The following ADAP2 variants were observed in gnomAD, a reference collection of about 807,000 sequenced individuals.
ADAP2 encodes the protein ArfGAP with dual PH domains 2, also known as arf-GAP with dual PH domain-containing protein 2.
ADAP2 carries 42 observed loss-of-function variants against 54.9 expected under a neutral mutation model. The ratio of observed to expected loss-of-function variants is 0.77; its 90% CI spans 0.60 to 0.99. The LOEUF (loss-of-function observed/expected upper bound fraction) is 0.99, where lower values mean the gene tolerates loss of function less well. Ranked by LOEUF, ADAP2 falls within the 50% of genes least tolerant of loss-of-function variation. The pLI, the probability that ADAP2 is intolerant of heterozygous loss-of-function variation, is 0.00. For synonymous variants in ADAP2, 177 were observed against 180.1 expected, an observed-to-expected ratio of 0.98 and a Z score of 0.14; for missense variants, 429 against 480.4, an observed-to-expected ratio of 0.89 and a Z score of 1.00.
At chr17:30,923,120 A>C (rs777623542) in intron 2 of ADAP2, 50 bp downstream of exon 2, 1 of 1,605,768 alleles carries the variant, frequency 6.2e-7, no homozygotes, top group South Asian at 1.1e-5. Flanking sequence ...ACTGGAGTAG[A>C]GGCAGCGGGC....
At chr17:30,926,468 G>T (rs1318377035) in intron 2 of ADAP2, among the ~76,000 whole-genome samples, 1 of 152,192 alleles carries the variant, frequency 6.6e-6, no homozygotes, top group Non-Finnish European at 1.5e-5. Flanking sequence ...TTGGAGTCAG[G>T]TCTGGGTTCA....
intron 5 of ADAP2, among the ~76,000 whole-genome samples, chr17:30,941,233 AT>A (rs1328891738): frequency 6.6e-6 from 1 of 152,190 alleles, no homozygotes; most frequent in African/African-American, 2.4e-5. Context: ...GGTGTTAGCT[AT>A]TGTTTGTGCT....
intron 1 of ADAP2, among the ~76,000 whole-genome samples, chr17:30,922,662 C>A (rs1250001376): frequency 6.6e-6 from 1 of 152,186 alleles, no homozygotes; most frequent in East Asian, 1.9e-4. Flanking sequence ...CCGAGCCCCG[C>A]GGTGCGCCCC....
chr17:30,943,211 C>T (rs1271081848), intron 5 of ADAP2, among the ~76,000 whole-genome samples: 4 of 151,824 alleles, frequency 2.6e-5, no homozygotes, highest in Non-Finnish European at 5.9e-5. Flanking sequence ...ACTAAAAATA[C>T]AAAATTAGCC....
chr17:30,957,970 C>T lies in ADAP2; in HGVS notation c.*101C>T. 8.9e-7 allele frequency: 1 copy of T among 1,128,602 alleles called. No homozygotes were observed. The highest frequency in any genetic ancestry group is 1.3e-6 in the Non-Finnish European group (1 of 759,384). 69.9% of individuals were successfully genotyped at this position (1,128,602 alleles called of 1,614,324 possible). A position where few individuals can be genotyped will look rare whatever the true frequency, so the allele number is the denominator to read the frequency against. On this transcript the variant is annotated 3_prime_UTR_variant, in exon 11 of 11. Coordinates refer to ENST00000330889, the MANE Select transcript of ADAP2 (RefSeq NM_018404.3). ...CTGCCCACCATCAGTGCCCCGCAGT[C>T]AGCAGCCATTCCTGGCAGTGAACTC...
chr17:30,928,828 C>T (rs1056800408), intron 3 of ADAP2, among the ~76,000 whole-genome samples: 21 of 152,154 alleles, frequency 1.4e-4, no homozygotes, highest in Admixed American at 1.4e-3. Flanking sequence ...CCTGAGCCTA[C>T]GACTCCTTCC....
At chr17:30,953,219 G>T in intron 7 of ADAP2, 69 bp from the exon 8 acceptor site, 1 of 1,490,526 alleles carries the variant, frequency 6.7e-7, no homozygotes. Flanking sequence ...TTTGTCGGGA[G>T]CCAAGCTCGG....
chr17:30,950,191 C>T (rs1278648554), intron 7 of ADAP2, among the ~76,000 whole-genome samples: 1 of 152,176 alleles, frequency 6.6e-6, no homozygotes, highest in East Asian at 1.9e-4. Flanking sequence ...CTTGGGAAAG[C>T]CTGGGATCCT....
chr17:30,944,439 G>A (rs372256707), intron 5 of ADAP2, among the ~76,000 whole-genome samples: 11 of 152,002 alleles, frequency 7.2e-5, no homozygotes, highest in African/African-American at 2.2e-4. Flanking sequence ...GAGTTCATGA[G>A]CAGCCTGGCC....
At chr17:30,922,194 C>T (rs1910665547) in intron 1 of ADAP2, 86 bp downstream of exon 1, 2 of 1,008,058 alleles carry the variant, frequency 2.0e-6, no homozygotes, top group Non-Finnish European at 1.3e-6. Context: ...CACCGGGTCC[C>T]GCCCTCGGCC....
chr17:30,951,810 T>C (rs1192642175), intron 7 of ADAP2, among the ~76,000 whole-genome samples: 6 of 151,872 alleles, frequency 4.0e-5, no homozygotes, highest in Non-Finnish European at 7.4e-5. Context: ...CGCTCGCCAC[T>C]GCACCCGGCT....
chr17:30,935,488 C>G (rs1911806556), intron 5 of ADAP2, among the ~76,000 whole-genome samples: 1 of 152,064 alleles, frequency 6.6e-6, no homozygotes, highest in Non-Finnish European at 1.5e-5. Flanking sequence ...GACATTTGAG[C>G]AGATAACTGA....
At chr17:30,945,291 C>T (rs1428081710) in intron 6 of ADAP2, among the ~76,000 whole-genome samples, 1 of 152,172 alleles carries the variant, frequency 6.6e-6, no homozygotes, top group South Asian at 2.1e-4. Flanking sequence ...CAGTGCACAG[C>T]CACCAATGAA....
At chr17:30,936,074 TAGCCCTAGGCA>T (rs1911851007) in intron 5 of ADAP2, among the ~76,000 whole-genome samples, 1 of 152,086 alleles carries the variant, frequency 6.6e-6, no homozygotes, top group Non-Finnish European at 1.5e-5. Flanking sequence ...ACCCCACCAC[TAGCCCTAGGCA>T]ACCAACAACT....
intron 5 of ADAP2, among the ~76,000 whole-genome samples, chr17:30,944,566 T>C (rs184843388): frequency 1.3e-3 from 203 of 152,260 alleles, no homozygotes; most frequent in South Asian, 4.6e-3. Flanking sequence ...TTCAAACCAC[T>C]CTCCTGCCTC....
chr17:30,925,164 G>A (rs1209566440), intron 2 of ADAP2, among the ~76,000 whole-genome samples: 7 of 149,822 alleles, frequency 4.7e-5, no homozygotes, highest in Admixed American at 4.6e-4. Context: ...GATTACAGGC[G>A]TGAGCCACCG....
At chr17:30,925,591 T>C (rs1005897215) in intron 2 of ADAP2, among the ~76,000 whole-genome samples, 1 of 151,518 alleles carries the variant, frequency 6.6e-6, no homozygotes, top group Non-Finnish European at 1.5e-5. Context: ...TTTCTTTTCT[T>C]TCTTTCTTTT....
intron 3 of ADAP2, among the ~76,000 whole-genome samples, chr17:30,928,363 G>C (rs570928541): frequency 6.6e-6 from 1 of 152,048 alleles, no homozygotes; most frequent in East Asian, 1.9e-4. Context: ...GGGCATGGTG[G>C]TACATGCCTG....
intron 5 of ADAP2, among the ~76,000 whole-genome samples, chr17:30,943,887 A>AT (rs1291327461): frequency 1.4e-5 from 2 of 146,492 alleles, no homozygotes; most frequent in Non-Finnish European, 3.0e-5. Flanking sequence ...AAATAAATAA[A>AT]TAAATAAATA....
Sources: allele counts gnomAD v4.1 joint callset (sites outside exome capture counted in the v4.1 genomes callset), GRCh38; gene constraint gnomAD v4.1.1; transcripts MANE v1.5; gene names NCBI Gene and HGNC (gene_info 2026-07-23, HGNC 2026-07-21).